PTPRT: variants seen among roughly 807,000 people sequenced by gnomAD.
The protein encoded by PTPRT is receptor-type tyrosine-protein phosphatase T.
Under a neutral mutation model 176.8 loss-of-function variants are expected in PTPRT, and 56 were observed. That is an observed-to-expected ratio of 0.32 (90% CI 0.26 to 0.40). The LOEUF (loss-of-function observed/expected upper bound fraction) is 0.40. PTPRT is among the 10% of genes least tolerant of loss of function. The pLI is 1.00. For missense variants in PTPRT, 1,540 were observed against 1,908.2 expected (o/e 0.81, Z 3.60); for synonymous variants, 783 against 739.0 (o/e 1.06, Z -0.96).
intron 2 of PTPRT, among the ~76,000 whole-genome samples, chr20:42,826,826 G>A (rs1336356623): frequency 6.6e-6 from 1 of 152,128 alleles, no homozygotes; most frequent in Admixed American, 6.6e-5. Context: ...CACATGCAAT[G>A]AATGGCACAC....
At chr20:42,469,179 G>T (rs112297769) in intron 8 of PTPRT, among the ~76,000 whole-genome samples, 5,222 of 151,948 alleles carry the variant, frequency 0.034, 230 homozygotes, top group African/African-American at 0.099. Flanking sequence ...TAATGTGCAC[G>T]AGAATCTATA....
chr20:43,053,438 T>G (rs997980993), intron 1 of PTPRT, among the ~76,000 whole-genome samples: 1 of 152,178 alleles, frequency 6.6e-6, no homozygotes, highest in Admixed American at 6.5e-5. Flanking sequence ...TTACAACCCA[T>G]GAGTGGCAGC....
At chr20:42,397,959 A>G (rs2058867704) in intron 9 of PTPRT, among the ~76,000 whole-genome samples, 1 of 152,182 alleles carries the variant, frequency 6.6e-6, no homozygotes, top group African/African-American at 2.4e-5. Flanking sequence ...TTCTTATGTC[A>G]TCAAAATCAT....
chr20:42,221,569 C>G (rs1214878040), intron 15 of PTPRT, among the ~76,000 whole-genome samples: 1 of 151,794 alleles, frequency 6.6e-6, no homozygotes, highest in Non-Finnish European at 1.5e-5. Context: ...CTCTGTTACC[C>G]AAGCTGTAGT....
intron 7 of PTPRT, among the ~76,000 whole-genome samples, chr20:42,493,221 A>G (rs576178124): frequency 6.6e-6 from 1 of 152,316 alleles, no homozygotes; most frequent in African/African-American, 2.4e-5. Context: ...CTAGAAGCAA[A>G]TTAACCATGG....
intron 6 of PTPRT, among the ~76,000 whole-genome samples, chr20:42,727,545 G>C (rs1364264592): frequency 6.6e-6 from 1 of 152,212 alleles, no homozygotes; most frequent in African/African-American, 2.4e-5. Flanking sequence ...ATGTGTATGT[G>C]TGTGTGTCCG....
At chr20:42,491,756 A>G (rs1447526771) in intron 7 of PTPRT, among the ~76,000 whole-genome samples, 1 of 152,184 alleles carries the variant, frequency 6.6e-6, no homozygotes, top group Non-Finnish European at 1.5e-5. Flanking sequence ...TTATTTCTAA[A>G]TCACCTATTC....
In PTPRT at chr20:42,085,877, G is replaced by C. The variant is rs751916081; in HGVS notation, c.3847-24C>G. On this transcript the variant is annotated intron_variant, in intron 27 of 30. Coordinates refer to ENST00000373187, the MANE Select transcript of PTPRT (RefSeq NM_007050.6). Reference sequence around the variant, plus strand: ...AACTGAGATAAGGAAAGAGGTCACAGAAGGAGCTCAAAGGCAGGGGGCGGG... The same window carrying C: ...AACTGAGATAAGGAAAGAGGTCACACAAGGAGCTCAAAGGCAGGGGGCGGG... 5.0e-6 allele frequency: 8 copies of C among 1,594,852 alleles called. No homozygotes were observed. The South Asian group carries it at 7.8e-5, about 15-fold the overall frequency.
intron 13 of PTPRT, among the ~76,000 whole-genome samples, chr20:42,281,616 C>T (rs765806151): frequency 2.0e-5 from 3 of 152,052 alleles, no homozygotes; most frequent in Non-Finnish European, 4.4e-5. Flanking sequence ...CTTGGGTCAT[C>T]GCTTTTCTCT....
chr20:42,594,208 A>C (rs927441709), intron 7 of PTPRT, among the ~76,000 whole-genome samples: 1 of 152,122 alleles, frequency 6.6e-6, no homozygotes, highest in African/African-American at 2.4e-5. Context: ...AGTTCTAAGA[A>C]CTTTCTGCAG....
chr20:42,486,711 C>A (rs1279097445), intron 7 of PTPRT, among the ~76,000 whole-genome samples: 2 of 151,750 alleles, frequency 1.3e-5, no homozygotes, highest in Non-Finnish European at 2.9e-5. Context: ...AGGCATGGCT[C>A]CAGGCTATGA....
At chr20:42,205,850 G>A (rs1443466616) in intron 15 of PTPRT, among the ~76,000 whole-genome samples, 1 of 152,158 alleles carries the variant, frequency 6.6e-6, no homozygotes. Flanking sequence ...GTGAGGCCCT[G>A]CTTCTACTAA....
chr20:42,633,975 ATATTATATATTATAT>A (rs1569037843), intron 7 of PTPRT, among the ~76,000 whole-genome samples: 2 of 29,004 alleles, frequency 6.9e-5, no homozygotes, highest in African/African-American at 4.5e-4. Context: ...ATATTATAAT[ATATTATATATTATAT>A]TATATATATT....
intron 11 of PTPRT, among the ~76,000 whole-genome samples, chr20:42,323,959 G>T (rs951819075): frequency 6.6e-6 from 1 of 152,054 alleles, no homozygotes; most frequent in South Asian, 2.1e-4. Flanking sequence ...ACACAGTCTG[G>T]TAGTTCCTTA....
At chr20:43,106,886 G>A (rs1357524806) in intron 1 of PTPRT, among the ~76,000 whole-genome samples, 1 of 152,014 alleles carries the variant, frequency 6.6e-6, no homozygotes. Flanking sequence ...CGCCTCCCAG[G>A]TTCAAGCCAT....
chr20:42,736,334 C>T (rs1358713071), intron 6 of PTPRT, among the ~76,000 whole-genome samples: 2 of 152,204 alleles, frequency 1.3e-5, no homozygotes, highest in Non-Finnish European at 2.9e-5. Flanking sequence ...TCTCCAGCCT[C>T]GTGTGCAGTG....
At position 42,073,565 on chromosome 20, in the gene PTPRT, G is replaced by A. The variant is rs1452482331; in HGVS notation, c.*7314C>T. 1 of 218,294 alleles carries A rather than the reference G, an allele frequency of 4.6e-6. No homozygotes were observed. The highest frequency in any genetic ancestry group is 2.3e-5 in the African/African-American group (1 of 44,428). 13.5% of individuals were successfully genotyped at this position (218,294 alleles called of 1,614,324 possible). ...CTGGCTGTCACTCATGGCCCTGTTGGTCAGTGGGTCTGAGTTATGGCTGCT... is the reference window on the plus strand; with the variant it reads ...CTGGCTGTCACTCATGGCCCTGTTGATCAGTGGGTCTGAGTTATGGCTGCT... On this transcript the variant is annotated 3_prime_UTR_variant, in exon 31 of 31. Coordinates refer to ENST00000373187, the MANE Select transcript of PTPRT (RefSeq NM_007050.6).
At chr20:42,532,294 T>C (rs1029979064) in intron 7 of PTPRT, among the ~76,000 whole-genome samples, 1 of 152,170 alleles carries the variant, frequency 6.6e-6, no homozygotes. Flanking sequence ...ATATAAGGAA[T>C]GCACAAGTGC....
the PTPRT span, among the ~76,000 whole-genome samples, chr20:42,044,130 A>T: frequency 1.3e-5 from 2 of 152,270 alleles, no homozygotes; most frequent in Non-Finnish European, 2.9e-5. Context: ...TAAGGACAAC[A>T]TGGGGTGGTT....
Sources: allele counts gnomAD v4.1 joint callset (sites outside exome capture counted in the v4.1 genomes callset), GRCh38; gene constraint gnomAD v4.1.1; transcripts MANE v1.5; gene names NCBI Gene and HGNC (gene_info 2026-07-23, HGNC 2026-07-21).